The following EML6 variants were observed in gnomAD, a reference collection of about 807,000 sequenced individuals.
EML6 encodes the protein EMAP like 6, also known as echinoderm microtubule-associated protein-like 6.
A neutral mutation model predicts 240.1 loss-of-function variants in EML6; 154 were observed. That is an observed-to-expected ratio of 0.64 (90% CI 0.56 to 0.73). The LOEUF (loss-of-function observed/expected upper bound fraction) is 0.73. Among genes scored for constraint, EML6 ranks in the 30% least tolerant of loss-of-function variants. The pLI, the probability that EML6 is intolerant of heterozygous loss-of-function variation, is 0.00. For synonymous variants in EML6, 1,148 were observed against 899.0 expected (o/e 1.28, Z -4.95); for missense variants, 2,964 against 2,474.6 (o/e 1.20, Z -4.20).
chr2:54,968,701 C>T lies in EML6; in HGVS notation c.5785C>T (p.His1929Tyr), dbSNP rs188078657. The T allele has an allele frequency of 6.4e-7, 1 of 1,551,316 alleles. No individual in the cohort carries two copies. Among genetic ancestry groups the T allele is most frequent in the East Asian group, 2.4e-5 (1 of 40,914 alleles). ...TAAGCGATACTTCGGTCACTCGGCTCACGTGACGAACATCCGTTTCTCTTA... is the reference window on the plus strand; with the variant it reads ...TAAGCGATACTTCGGTCACTCGGCTTACGTGACGAACATCCGTTTCTCTTA... ...KHKRYFGHSAHVTNIRFSYDD... is the reference protein window; with the variant it reads ...KHKRYFGHSAYVTNIRFSYDD... Residue 1929 changes from histidine to tyrosine, a missense_variant, in exon 41 of 42, where the codon CAC (histidine) becomes TAC (tyrosine). Coordinates refer to ENST00000356458, the MANE Select transcript of EML6 (RefSeq NM_001039753.4).
intron 2 of EML6, among the ~76,000 whole-genome samples, chr2:54,769,719 C>A (rs1434423248): frequency 6.6e-6 from 1 of 152,134 alleles, no homozygotes; most frequent in Non-Finnish European, 1.5e-5. Context: ...TTCTTCTGCC[C>A]TCTTTATGAT....
intron 2 of EML6, among the ~76,000 whole-genome samples, chr2:54,741,262 C>T (rs1460344410): frequency 2.0e-5 from 3 of 152,200 alleles, no homozygotes; most frequent in African/African-American, 7.2e-5. Flanking sequence ...AACTGGCCTC[C>T]TGGCTTTGAT....
intron 17 of EML6, chr2:54,880,214 G>C (rs1671741108): frequency 6.5e-6 from 1 of 152,730 alleles, no homozygotes; most frequent in Non-Finnish European, 1.5e-5. Flanking sequence ...TCAGCACTAA[G>C]TCTGAACACG....
Position 54,813,332 on chromosome 2 carries a change from C to G in EML6, c.298C>G (p.Leu100Val). 1.3e-6 allele frequency: 2 copies of G among 1,551,644 alleles called. No individual in the cohort carries two copies. Among genetic ancestry groups the G allele is most frequent in the South Asian group, 1.2e-5 (1 of 84,042 alleles). The change falls in exon 3 of 42, where the codon CTT becomes GTT. Residue 100 changes from leucine to valine, a missense_variant. Leu to Val is a conservative substitution (Grantham distance 32). Coordinates refer to ENST00000356458, the MANE Select transcript of EML6 (RefSeq NM_001039753.4). ...TTCCTATAATGTCCAGACTGTGTCT[C>G]TTCTTAAAGATGTCCATACACATGG... ...WDSYNVQTVS[L>V]LKDVHTHGVA...
intron 26 of EML6, among the ~76,000 whole-genome samples, chr2:54,921,804 A>T (rs1223260104): frequency 6.6e-6 from 1 of 152,184 alleles, no homozygotes; most frequent in Non-Finnish European, 1.5e-5. Context: ...TTTGACAAGG[A>T]TACCAAAAAT....
chr2:54,836,924 C>T (rs185448590), intron 7 of EML6, among the ~76,000 whole-genome samples: 1 of 152,250 alleles, frequency 6.6e-6, no homozygotes, highest in African/African-American at 2.4e-5. Context: ...TCAGAAGTCC[C>T]TGCAAGGCCC....
At chr2:54,954,340 G>A (rs2104503116) in intron 32 of EML6, among the ~76,000 whole-genome samples, 184 bp downstream of exon 32, 1 of 152,302 alleles carries the variant, frequency 6.6e-6, no homozygotes, top group Middle Eastern at 3.4e-3. Flanking sequence ...GTGCATCCCA[G>A]GGTCCCAGGG....
Position 54,916,422 on chromosome 2 carries a change from G to C in EML6, c.3499-337G>C, listed in dbSNP as rs539169499. On this transcript the variant is annotated intron_variant, in intron 25 of 41. Coordinates refer to ENST00000356458, the MANE Select transcript of EML6 (RefSeq NM_001039753.4). Reference sequence around the variant, plus strand: ...AAGAATTTTCCAGCCTAAGACATCAGTGCTGGCGTTGGGGAATCTGGATCC... The same window carrying C: ...AAGAATTTTCCAGCCTAAGACATCACTGCTGGCGTTGGGGAATCTGGATCC... Among the ~76,000 whole-genome samples the C allele has an allele frequency of 1.4e-3, 220 of 152,332 alleles. 2 individuals carry two copies. The highest frequency in any genetic ancestry group is 5.0e-3 in the African/African-American group (209 of 41,586).
intron 8 of EML6, among the ~76,000 whole-genome samples, chr2:54,846,060 G>A (rs1318005879): frequency 6.6e-6 from 1 of 152,158 alleles, no homozygotes; most frequent in Non-Finnish European, 1.5e-5. Flanking sequence ...TGTGGGGATG[G>A]GAATGTTTGC....
chr2:54,840,967 G>A (rs1250579960), intron 7 of EML6, among the ~76,000 whole-genome samples: 2 of 152,258 alleles, frequency 1.3e-5, no homozygotes, highest in Admixed American at 6.5e-5. Context: ...CTGCTAGGGA[G>A]ACAACTAATT....
At chr2:54,728,329 C>T (rs1411898903) in intron 2 of EML6, among the ~76,000 whole-genome samples, 2 of 152,180 alleles carry the variant, frequency 1.3e-5, no homozygotes. Context: ...TCCTCTGTTA[C>T]TTCCCTTCCA....
chr2:54,850,918 T>G (rs1670044560), intron 10 of EML6, among the ~76,000 whole-genome samples: 1 of 152,226 alleles, frequency 6.6e-6, no homozygotes, highest in Non-Finnish European at 1.5e-5. Flanking sequence ...ATCTCAAAAA[T>G]ATGCTGAGCA....
In EML6 at chr2:54,738,085, AAC is replaced by A. The variant is rs1683476343; in HGVS notation, c.197+12831_197+12832del. Among the ~76,000 whole-genome samples, 4 of 152,204 alleles carry A rather than the reference AAC, an allele frequency of 2.6e-5. No individual in the cohort carries two copies. The South Asian group carries it at 8.3e-4, about 32-fold the overall frequency. On this transcript the variant is annotated intron_variant, in intron 2 of 41. Coordinates refer to ENST00000356458, the MANE Select transcript of EML6 (RefSeq NM_001039753.4). ...CTATTTAAAATTCAAACTCTTCTCTAACACATTCCTTATTGCACATCCTTGTT... is the reference window on the plus strand; with the variant it reads ...CTATTTAAAATTCAAACTCTTCTCTAACATTCCTTATTGCACATCCTTGTT...
chr2:54,789,319 C>A (rs573723968), intron 2 of EML6, among the ~76,000 whole-genome samples: 2 of 151,878 alleles, frequency 1.3e-5, no homozygotes, highest in East Asian at 3.9e-4. Context: ...CGAGACCATC[C>A]TGGCTAACAC....
intron 11 of EML6, among the ~76,000 whole-genome samples, chr2:54,855,937 A>G (rs1404565279): frequency 1.3e-5 from 2 of 152,202 alleles, no homozygotes; most frequent in Non-Finnish European, 2.9e-5. Flanking sequence ...GAACCTGTAA[A>G]CAGCCAGATA....
chr2:54,818,756 G>C (rs1021251547), intron 4 of EML6, among the ~76,000 whole-genome samples: 2 of 152,180 alleles, frequency 1.3e-5, no homozygotes, highest in East Asian at 3.9e-4. Flanking sequence ...CTATAGTGAT[G>C]AGTCTGTAAT....
chr2:54,879,882 T>A, intron 17 of EML6: 1 of 497,452 alleles, frequency 2.0e-6, no homozygotes, highest in Non-Finnish European at 3.6e-6. Flanking sequence ...ATTCACCGCT[T>A]CATTTTGAGT....
At chr2:54,895,147 C>T in intron 20 of EML6, 121 bp downstream of exon 20, 1 of 1,327,426 alleles carries the variant, frequency 7.5e-7, no homozygotes. Flanking sequence ...TTAGAACTCT[C>T]TTCCTCTGGT....
intron 8 of EML6, 38 bp from the exon 9 acceptor site, chr2:54,847,448 T>C (rs1669825973): frequency 3.9e-6 from 6 of 1,541,034 alleles, no homozygotes; most frequent in African/African-American, 1.4e-5. Context: ...CCATGGGAAG[T>C]TGGTTTTGTT....
Sources: gnomAD v4.1 joint callset for allele counts (sites outside exome capture counted in the v4.1 genomes callset) on GRCh38, gnomAD v4.1.1 for gene constraint, MANE v1.5 for transcripts, NCBI Gene and HGNC (gene_info 2026-07-23, HGNC 2026-07-21) for gene names.